The following TTC6 variants were observed in gnomAD, a reference collection of about 807,000 sequenced individuals.
TTC6 encodes tetratricopeptide repeat domain 6, also known as tetratricopeptide repeat protein 6.
Under a neutral mutation model 210.4 loss-of-function variants are expected in TTC6, and 172 were observed. That is an observed-to-expected ratio of 0.82 (90% CI 0.72 to 0.93). The LOEUF (loss-of-function observed/expected upper bound fraction) is 0.93. Among genes scored for constraint, TTC6 ranks in the 40% least tolerant of loss-of-function variants. The pLI is 0.00. For missense variants in TTC6, 2,414 were observed against 2,318.1 expected (o/e 1.04, Z -0.85); for synonymous variants, 804 against 819.6 (o/e 0.98, Z 0.32).
chr14:37,708,472 G>A (rs1402071520), intron 5 of TTC6, among the ~76,000 whole-genome samples: 2 of 152,160 alleles, frequency 1.3e-5, no homozygotes, highest in African/African-American at 4.8e-5. Flanking sequence ...ACTAATCCAT[G>A]TTTATGTAGC....
intron 1 of TTC6, among the ~76,000 whole-genome samples, chr14:37,634,817 C>T (rs1211320880): frequency 6.6e-6 from 1 of 152,158 alleles, no homozygotes; most frequent in African/African-American, 2.4e-5. Flanking sequence ...AAGGCATTGA[C>T]ACAGCATTTT....
chr14:37,652,263 T>G (rs2095714452), intron 1 of TTC6, among the ~76,000 whole-genome samples: 1 of 152,158 alleles, frequency 6.6e-6, no homozygotes, highest in Non-Finnish European at 1.5e-5. Flanking sequence ...TTTATATGGT[T>G]CACCTTAATC....
At chr14:37,725,310 G>GTGTGTGTA (rs1555391391) in intron 7 of TTC6, among the ~76,000 whole-genome samples, 2 of 55,732 alleles carry the variant, frequency 3.6e-5, no homozygotes, top group Non-Finnish European at 7.5e-5. Context: ...GTGTGTGTGT[G>GTGTGTGTA]TGTATATATA....
intron 25 of TTC6, among the ~76,000 whole-genome samples, chr14:37,814,610 G>A (rs8019481): frequency 0.38 from 57,727 of 151,852 alleles, 11,721 homozygotes; most frequent in Non-Finnish European, 0.47. Flanking sequence ...TTGGAATTTT[G>A]TAAAAGTGCC....
chr14:37,833,647 T>G (rs1003656955), intron 29 of TTC6, among the ~76,000 whole-genome samples: 2 of 152,214 alleles, frequency 1.3e-5, no homozygotes, highest in Admixed American at 6.5e-5. Flanking sequence ...TTTTGTTGTT[T>G]TCTTATTGTT....
intron 1 of TTC6, among the ~76,000 whole-genome samples, chr14:37,644,092 A>G (rs1195616791): frequency 6.6e-6 from 1 of 152,188 alleles, no homozygotes; most frequent in Non-Finnish European, 1.5e-5. Flanking sequence ...GCTAGGACAA[A>G]ACCAAATCGG....
At chr14:37,732,486 T>C (rs2095889817) in intron 7 of TTC6, among the ~76,000 whole-genome samples, 1 of 151,784 alleles carries the variant, frequency 6.6e-6, no homozygotes, top group Non-Finnish European at 1.5e-5. Flanking sequence ...CCCGGCCTTA[T>C]GTACTGCATT....
At chr14:37,721,059 TAAAG>T (rs2095860916) in intron 6 of TTC6, among the ~76,000 whole-genome samples, 1 of 116,532 alleles carries the variant, frequency 8.6e-6, no homozygotes, top group African/African-American at 3.3e-5. Flanking sequence ...AAAATCCTAA[TAAAG>T]AAATTATGGT....
chr14:37,783,557 T>G (rs550016794), intron 14 of TTC6, among the ~76,000 whole-genome samples: 19 of 152,170 alleles, frequency 1.2e-4, no homozygotes, highest in Non-Finnish European at 2.5e-4. Flanking sequence ...GTCTATCAAT[T>G]TTGTTGATGT....
chr14:37,716,704 G>A (rs2095853340), intron 6 of TTC6, among the ~76,000 whole-genome samples: 1 of 152,044 alleles, frequency 6.6e-6, no homozygotes, highest in Non-Finnish European at 1.5e-5. Context: ...AGAACTGAGA[G>A]GAGAAATAGA....
At chr14:37,733,268 T>C (rs1253641129) in intron 7 of TTC6, among the ~76,000 whole-genome samples, 2 of 152,226 alleles carry the variant, frequency 1.3e-5, no homozygotes, top group Non-Finnish European at 2.9e-5. Flanking sequence ...TTTTATGTAA[T>C]ATACCTTAAA....
chr14:37,801,307 G>A (rs1344959859), intron 20 of TTC6, among the ~76,000 whole-genome samples: 1 of 152,142 alleles, frequency 6.6e-6, no homozygotes, highest in East Asian at 1.9e-4. Flanking sequence ...ATGTTGAGCT[G>A]ATGCAATAAT....
chr14:37,697,128 T>C (rs191078295), intron 4 of TTC6, among the ~76,000 whole-genome samples: 1 of 152,268 alleles, frequency 6.6e-6, no homozygotes, highest in Non-Finnish European at 1.5e-5. Context: ...GCATGTTAGA[T>C]TTGATATTTT....
chr14:37,813,715 G>A (rs1308281045), intron 25 of TTC6, among the ~76,000 whole-genome samples: 1 of 152,116 alleles, frequency 6.6e-6, no homozygotes, highest in Non-Finnish European at 1.5e-5. Flanking sequence ...CAAAGCGCTG[G>A]CGTTAATATA....
chr14:37,781,607 C>T (rs535603666), intron 14 of TTC6, among the ~76,000 whole-genome samples: 20 of 152,226 alleles, frequency 1.3e-4, no homozygotes, highest in South Asian at 4.1e-4. Context: ...GTTTCTTTTG[C>T]GGTGCAGAAG....
chr14:37,695,904 C>A (rs1438727308), intron 3 of TTC6, among the ~76,000 whole-genome samples: 1 of 151,890 alleles, frequency 6.6e-6, no homozygotes, highest in African/African-American at 2.4e-5. Flanking sequence ...ATTAGGATAG[C>A]CTTAGGATCC....
At chr14:37,828,437 C>G (rs1041881552) in intron 29 of TTC6, among the ~76,000 whole-genome samples, 1 of 151,976 alleles carries the variant, frequency 6.6e-6, no homozygotes, top group Admixed American at 6.6e-5. Flanking sequence ...ACTGTTTTGG[C>G]AGCATTCCAC....
chr14:37,756,788 C>A (rs531484720), intron 14 of TTC6, among the ~76,000 whole-genome samples: 1 of 151,946 alleles, frequency 6.6e-6, no homozygotes, highest in Non-Finnish European at 1.5e-5. Flanking sequence ...TGTTCATCAG[C>A]GATATTGACC....
At chr14:37,795,382 G>T in intron 18 of TTC6, 30 bp downstream of exon 20, 2 of 1,412,118 alleles carry the variant, frequency 1.4e-6, no homozygotes, top group Non-Finnish European at 9.5e-7. Flanking sequence ...ATTCTTCTTG[G>T]GATAACTTAG....
Sources: gnomAD v4.1 joint callset for allele counts (sites outside exome capture counted in the v4.1 genomes callset) on GRCh38, gnomAD v4.1.1 for gene constraint, MANE v1.5 for transcripts, NCBI Gene and HGNC (gene_info 2026-07-23, HGNC 2026-07-21) for gene names.